Variants in RAB11FIP3 observed in about 807,000 individuals in gnomAD.
RAB11FIP3 encodes rab11 family-interacting protein 3.
A neutral mutation model predicts 77.8 loss-of-function variants in RAB11FIP3; 17 were observed. The observed-to-expected ratio is 0.22, with a 90% CI of 0.15 to 0.33. RAB11FIP3 has a LOEUF of 0.33. Among genes scored for constraint, RAB11FIP3 ranks in the 10% least tolerant of loss-of-function variants. The pLI, the probability that RAB11FIP3 is intolerant of heterozygous loss-of-function variation, is 1.00. For synonymous variants in RAB11FIP3, 437 were observed against 448.2 expected (o/e 0.98, Z 0.31); for missense variants, 1,005 against 1,011.2 (o/e 0.99, Z 0.08).
In RAB11FIP3 at chr16:503,039, C is replaced by G. The variant is rs548390146; in HGVS notation, c.1337C>G (p.Ala446Gly). 6.2e-7 allele frequency: 1 copy of G among 1,613,138 alleles called. No individual in the cohort carries two copies. Among genetic ancestry groups the G allele is most frequent in the East Asian group, 2.2e-5 (1 of 44,858 alleles). The change falls in exon 7 of 14, where the codon GCC (alanine) becomes GGC (glycine). Residue 446 changes from alanine to glycine, a missense_variant. Physicochemically the swap from Ala to Gly is moderately conservative, Grantham distance 60. Coordinates refer to ENST00000262305, the MANE Select transcript of RAB11FIP3 (RefSeq NM_014700.4). ...CAGTCAGGGGCCCTGACCATGGAGGCCCTGGAGGACCCTTCCCCCGAGCTC... is the reference window on the plus strand; with the variant it reads ...CAGTCAGGGGCCCTGACCATGGAGGGCCTGGAGGACCCTTCCCCCGAGCTC... Reference protein sequence around the residue: ...LHQSGALTMEALEDPSPELME... With the variant: ...LHQSGALTMEGLEDPSPELME...
At chr16:495,721 C>T (rs1367531795) in intron 5 of RAB11FIP3, among the ~76,000 whole-genome samples, 1 of 152,190 alleles carries the variant, frequency 6.6e-6, no homozygotes, top group Non-Finnish European at 1.5e-5. Flanking sequence ...ACGTTAATAC[C>T]TGGCACAGCA....
chr16:487,331 C>T (rs941141779), intron 4 of RAB11FIP3, among the ~76,000 whole-genome samples: 34 of 152,158 alleles, frequency 2.2e-4, no homozygotes, highest in African/African-American at 7.5e-4. Flanking sequence ...AGGGTTTCAC[C>T]GTGTTAGCCA....
chr16:515,562 G>A (rs1391688568), intron 9 of RAB11FIP3, among the ~76,000 whole-genome samples: 1 of 150,312 alleles, frequency 6.7e-6, no homozygotes, highest in African/African-American at 2.5e-5. Flanking sequence ...GCAGCCACAC[G>A]GGCGACACGG....
intron 4 of RAB11FIP3, among the ~76,000 whole-genome samples, chr16:488,414 A>T (rs562841203): frequency 0.032 from 4,785 of 148,282 alleles, 178 homozygotes; most frequent in African/African-American, 0.091. Context: ...TTATTTATTT[A>T]TTTTTTTTTT....
chr16:491,159 C>T, intron 5 of RAB11FIP3: 1 of 1,303,554 alleles, frequency 7.7e-7, no homozygotes, highest in South Asian at 1.2e-5. Flanking sequence ...CGCAAAGCTG[C>T]ACAGCATCCT....
intron 3 of RAB11FIP3, among the ~76,000 whole-genome samples, chr16:475,879 T>G (rs567538795): frequency 6.6e-6 from 1 of 151,522 alleles, no homozygotes; most frequent in Admixed American, 6.6e-5. Flanking sequence ...TTTTTTGAGA[T>G]GGAGTCTCAC....
At chr16:475,760 G>A (rs143057982) in intron 3 of RAB11FIP3, among the ~76,000 whole-genome samples, 8 of 152,330 alleles carry the variant, frequency 5.3e-5, no homozygotes, top group Non-Finnish European at 1.2e-4. Flanking sequence ...TGCAGTCACC[G>A]AAGCCGCTGA....
chr16:510,539 C>T lies in RAB11FIP3; in HGVS notation c.1500-121C>T, dbSNP rs558188181. The T allele has an allele frequency of 2.0e-5, 23 of 1,175,030 alleles. 1 individual carries two copies. Among genetic ancestry groups the T allele is most frequent in the Middle Eastern group, 5.9e-4 (2 of 3,404 alleles). The allele number at this position is 1,175,030 out of a possible 1,614,324, so 72.8% of individuals were successfully genotyped here. A position where few individuals can be genotyped will look rare whatever the true frequency, so the allele number is the denominator to read the frequency against. ...GACCAGAGCTCGGGGATGCCCTTCT[C>T]GGTGCCCTACTCCCGAGTGGAGGCA... On this transcript the variant is annotated intron_variant, in intron 8 of 13. Transcript: ENST00000262305.
chr16:426,754 GGGCA>G lies in RAB11FIP3; in HGVS notation c.714+37_714+40del, dbSNP rs772276224. The G allele has an allele frequency of 4.8e-6, 7 of 1,447,870 alleles. No homozygotes were observed. In the South Asian group the frequency reaches 9.0e-5, roughly 19 times the overall value. 89.7% of individuals were successfully genotyped at this position (1,447,870 alleles called of 1,614,324 possible). A position where few individuals can be genotyped will look rare whatever the true frequency, so the allele number is the denominator to read the frequency against. ...CGGCCCGGGCCGGGGCGTGGGAACT[GGGCA>G]GGTGCGCGCTGGCCGGCGGGGTTGA... On this transcript the variant is annotated intron_variant, in intron 1 of 13. Coordinates refer to ENST00000262305, the MANE Select transcript of RAB11FIP3 (RefSeq NM_014700.4). The surrounding 1 kb of genome is among the most constrained non-coding windows in gnomAD (Gnocchi z 5.0).
In RAB11FIP3 at chr16:474,323, C is replaced by G. The variant is rs59457064; in HGVS notation, c.903+2934C>G. ...ATCGCAGTGCTCACACCGGGGTGGTCGGGTAAAATGTGCAGTTAGTCATGG... is the reference window on the plus strand; with the variant it reads ...ATCGCAGTGCTCACACCGGGGTGGTGGGGTAAAATGTGCAGTTAGTCATGG... On this transcript the variant is annotated intron_variant, in intron 3 of 13. Coordinates refer to ENST00000262305, the MANE Select transcript of RAB11FIP3 (RefSeq NM_014700.4). Among the ~76,000 whole-genome samples, 154 of 152,200 alleles carry G rather than the reference C, an allele frequency of 1.0e-3. 1 individual carries two copies. The highest frequency in any genetic ancestry group is 3.6e-3 in the African/African-American group (150 of 41,506).
chr16:496,567 G>A (rs564960293), intron 5 of RAB11FIP3, among the ~76,000 whole-genome samples: 40 of 152,350 alleles, frequency 2.6e-4, no homozygotes, highest in Non-Finnish European at 5.0e-4. Context: ...CTCAGTCGTG[G>A]TCTGGGGTGG....
intron 4 of RAB11FIP3, among the ~76,000 whole-genome samples, chr16:485,053 G>C (rs908604112): frequency 6.6e-6 from 1 of 152,106 alleles, no homozygotes; most frequent in African/African-American, 2.4e-5. Context: ...TGCACCTTTT[G>C]TCAGGGTGGG....
chr16:510,556 G>A (rs1015111844), intron 8 of RAB11FIP3, 104 bp from the exon 9 acceptor site: 24 of 1,342,122 alleles, frequency 1.8e-5, no homozygotes, highest in Non-Finnish European at 2.4e-5. Context: ...CTACTCCCGA[G>A]TGGAGGCAGG....
At chr16:453,205 G>A (rs1290171366) in intron 1 of RAB11FIP3, among the ~76,000 whole-genome samples, 2 of 151,510 alleles carry the variant, frequency 1.3e-5, no homozygotes, top group East Asian at 1.9e-4. Flanking sequence ...CTTCTGAGTC[G>A]CTGGGACTAC....
At chr16:503,365 T>G (rs1203127318) in intron 7 of RAB11FIP3, among the ~76,000 whole-genome samples, 1 of 152,156 alleles carries the variant, frequency 6.6e-6, no homozygotes, top group Non-Finnish European at 1.5e-5. Context: ...GTGAGCACCC[T>G]CGGGTATCCC....
Position 459,671 on chromosome 16 carries a change from C to T in RAB11FIP3, c.715-1733C>T, listed in dbSNP as rs59712061. ...AGGCTGGTCTGGAACCCCTGACCTTCGGTGATCCCATCTCAGCCTCTCAAA... is the reference window on the plus strand; with the variant it reads ...AGGCTGGTCTGGAACCCCTGACCTTTGGTGATCCCATCTCAGCCTCTCAAA... On this transcript the variant is annotated intron_variant, in intron 1 of 13. Transcript: ENST00000262305. Among the ~76,000 whole-genome samples, 684 of 151,812 alleles carry T rather than the reference C, an allele frequency of 4.5e-3. 4 individuals are homozygous for T. The highest frequency in any genetic ancestry group is 0.018 in the East Asian group (92 of 5,114).
rs200010101 is a variant in RAB11FIP3 at position 521,054 on chromosome 16, GC to G, written c.*218del. 2.7e-3 allele frequency: 1,588 copies of G among 592,454 alleles called. 22 individuals carry two copies. The highest frequency in any genetic ancestry group is 0.027 in the African/African-American group (1,434 of 53,870). The allele number at this position is 592,454 out of a possible 1,614,324, so 36.7% of individuals were successfully genotyped here. On this transcript the variant is annotated 3_prime_UTR_variant, in exon 14 of 14. Coordinates refer to ENST00000262305, the MANE Select transcript of RAB11FIP3 (RefSeq NM_014700.4). ...GAGAGGGAGAAAGGGAAGTCCCAGGGCCCGGGGTCCACAGAGGATGAGGGTT... is the reference window on the plus strand; with the variant it reads ...GAGAGGGAGAAAGGGAAGTCCCAGGGCCGGGGTCCACAGAGGATGAGGGTT...
chr16:470,979 C>CTT (rs56315622), intron 2 of RAB11FIP3, among the ~76,000 whole-genome samples: 66,751 of 147,590 alleles, frequency 0.45, 16,342 homozygotes, highest in Middle Eastern at 0.61. Context: ...ATGTCTTGCT[C>CTT]TTTTTTTTTT....
chr16:458,478 G>A (rs560522232), intron 1 of RAB11FIP3, among the ~76,000 whole-genome samples: 2 of 139,706 alleles, frequency 1.4e-5, no homozygotes, highest in Non-Finnish European at 3.1e-5. Context: ...GGCCTGGGGG[G>A]CCTTCCTCGG....
Sources: gnomAD v4.1 joint callset for allele counts (sites outside exome capture counted in the v4.1 genomes callset) on GRCh38, gnomAD v4.1.1 for gene constraint, Gnocchi (gnomAD v3.1) non-coding constraint, MANE v1.5 for transcripts, NCBI Gene and HGNC (gene_info 2026-07-23, HGNC 2026-07-21) for gene names.